Variants in THSD4 observed in about 807,000 individuals in gnomAD.
The protein encoded by THSD4 is thrombospondin type 1 domain containing 4.
THSD4 carries 69 observed loss-of-function variants against 119.0 expected under a neutral mutation model. The ratio of observed to expected loss-of-function variants is 0.58; its 90% CI spans 0.48 to 0.71. The LOEUF (loss-of-function observed/expected upper bound fraction) is 0.71. Ranked by LOEUF, THSD4 falls within the 30% of genes least tolerant of loss-of-function variation. The pLI, the probability that THSD4 is intolerant of heterozygous loss-of-function variation, is 0.00. For missense variants in THSD4, 1,393 were observed against 1,391.1 expected (o/e 1.00, Z -0.02); for synonymous variants, 524 against 540.4 (o/e 0.97, Z 0.42).
rs969681301 is a variant in THSD4 at position 71,747,175 on chromosome 15, C to T, written c.2241+133C>T. Reference sequence around the variant, plus strand: ...GGAACCCGTCCCGTGGGGGTCTGGACGGCTGTTTTTGCAAACCACAGGATG... The same window carrying T: ...GGAACCCGTCCCGTGGGGGTCTGGATGGCTGTTTTTGCAAACCACAGGATG... On this transcript the variant is annotated intron_variant, in intron 13 of 17. Transcript: ENST00000261862. 5.0e-5 allele frequency: 54 copies of T among 1,082,094 alleles called. 1 individual carries two copies. The highest frequency in any genetic ancestry group is 1.4e-4 in the South Asian group (9 of 64,970). The allele number at this position is 1,082,094 out of a possible 1,614,324, so 67.0% of individuals were successfully genotyped here.
chr15:71,762,142 C>T (rs555263686), intron 15 of THSD4, among the ~76,000 whole-genome samples: 15 of 141,452 alleles, frequency 1.1e-4, no homozygotes, highest in South Asian at 2.3e-4. Flanking sequence ...GTCTCATGCG[C>T]GTGTGCAAAC....
chr15:71,112,273 T>C, upstream of THSD4: 7 of 1,542,450 alleles, frequency 4.5e-6, no homozygotes, highest in Non-Finnish European at 6.1e-6. Context: ...TAGGATGTCG[T>C]ATGCATCATT....
intron 3 of THSD4, among the ~76,000 whole-genome samples, chr15:71,173,902 C>T (rs634825): frequency 0.038 from 5,787 of 152,074 alleles, 393 homozygotes; most frequent in African/African-American, 0.13. Flanking sequence ...CAAGACCATT[C>T]GATGGGAAAA....
chr15:71,766,443 G>A (rs887304382), intron 16 of THSD4, among the ~76,000 whole-genome samples: 3 of 152,100 alleles, frequency 2.0e-5, no homozygotes, highest in African/African-American at 2.4e-5. Flanking sequence ...ATCCAAGGGT[G>A]ATAAAAGGGA....
chr15:71,449,312 G>C (rs1397841148), intron 7 of THSD4, among the ~76,000 whole-genome samples: 1 of 152,142 alleles, frequency 6.6e-6, no homozygotes, highest in Non-Finnish European at 1.5e-5. Flanking sequence ...TTGTTCCACT[G>C]AACACATTAT....
chr15:71,593,954 C>T (rs1419565080), intron 7 of THSD4, among the ~76,000 whole-genome samples: 2 of 146,310 alleles, frequency 1.4e-5, no homozygotes, highest in Non-Finnish European at 3.0e-5. Flanking sequence ...AAATTAGTGA[C>T]TGTTTGAAAT....
chr15:71,668,230 A>T (rs2051454043), intron 8 of THSD4, among the ~76,000 whole-genome samples: 1 of 152,216 alleles, frequency 6.6e-6, no homozygotes, highest in Admixed American at 6.5e-5. Flanking sequence ...CTTCAAAATG[A>T]TACTAAAGCG....
At chr15:71,572,563 G>A (rs925261817) in intron 7 of THSD4, among the ~76,000 whole-genome samples, 1 of 152,112 alleles carries the variant, frequency 6.6e-6, no homozygotes, top group Non-Finnish European at 1.5e-5. Context: ...AGAGGGGTGG[G>A]GAGCTCTGGC....
intron 6 of THSD4, among the ~76,000 whole-genome samples, chr15:71,326,703 ATAT>A (rs2045349872): frequency 2.4e-5 from 1 of 41,666 alleles, no homozygotes; most frequent in Admixed American, 2.9e-4. Context: ...AAAAAAAAAT[ATAT>A]ATATATATAT....
intron 6 of THSD4, among the ~76,000 whole-genome samples, chr15:71,350,119 A>T (rs1301477024): frequency 6.6e-6 from 1 of 150,534 alleles, no homozygotes; most frequent in African/African-American, 2.4e-5. Flanking sequence ...GCCTTATAAT[A>T]ATTATATAAA....
In THSD4 at chr15:71,483,026, T is replaced by C. The variant is rs375709927; in HGVS notation, c.1152+71203T>C. On this transcript the variant is annotated intron_variant, in intron 7 of 17. Transcript: ENST00000261862. ...ATGAAGGAGACTAGGAAAGTGAGTA[T>C]TTTTTTAAAGACAAAAAAAATAAGG... 3.9e-5 allele frequency among the ~76,000 whole-genome samples: 6 copies of C among 152,264 alleles called. 1 individual carries two copies. Among genetic ancestry groups the C allele is most frequent in the African/African-American group, 1.4e-4 (6 of 41,548 alleles).
rs1595768147 is a variant in THSD4, at chr15:71,595,715, C to T, written c.1153-64815C>T. Among the ~76,000 whole-genome samples, 2 of 152,116 alleles carry T rather than the reference C, an allele frequency of 1.3e-5. 1 individual carries two copies. Among genetic ancestry groups the T allele is most frequent in the South Asian group, 4.1e-4 (2 of 4,830 alleles). ...AGTCCTGTTAAGTGGAGAACATTCT[C>T]CCTTGAATTATTGAGCAGAAGACTC... On this transcript the variant is annotated intron_variant, in intron 7 of 17. Transcript: ENST00000261862.
At chr15:71,554,416 C>A (rs983221717) in intron 7 of THSD4, among the ~76,000 whole-genome samples, 1 of 151,900 alleles carries the variant, frequency 6.6e-6, no homozygotes, top group East Asian at 1.9e-4. Context: ...GAGACAAGAT[C>A]TCACTCTGTC....
At chr15:71,102,259 T>C (rs1053385174) in intron 1 of THSD4, among the ~76,000 whole-genome samples, 1 of 152,116 alleles carries the variant, frequency 6.6e-6, no homozygotes, top group East Asian at 1.9e-4. Context: ...TCCATGTTCA[T>C]GTCTTTTGTG....
chr15:71,737,686 G>A, intron 10 of THSD4, 46 bp from the exon 11 acceptor site: 1 of 1,547,708 alleles, frequency 6.5e-7, no homozygotes, highest in East Asian at 2.3e-5. Context: ...ACAACTCAGG[G>A]TCTAAACTGA....
intron 7 of THSD4, among the ~76,000 whole-genome samples, chr15:71,626,701 G>A (rs1253297486): frequency 1.3e-5 from 2 of 152,240 alleles, no homozygotes; most frequent in African/African-American, 4.8e-5. Context: ...AAAATCATCT[G>A]ATTATAACGC....
chr15:71,150,610 G>A (rs1567138792), intron 2 of THSD4, among the ~76,000 whole-genome samples: 3 of 152,194 alleles, frequency 2.0e-5, no homozygotes, highest in Admixed American at 1.3e-4. Context: ...AGTAAATGAA[G>A]AGAAGAAGCA....
rs564872742 is a variant in THSD4, at chr15:71,554,256, A to AT, written c.1153-106263dup. The stretch of plus-strand genomic sequence containing the variant: ...AGGTGCCCACCGCCATGCCCGGCTA[A>AT]TTTTTTTTTTTGTATTTTTTTAGTA... On this transcript the variant is annotated intron_variant, in intron 7 of 17. Transcript: ENST00000261862. Among the ~76,000 whole-genome samples the AT allele has an allele frequency of 2.2e-3, 324 of 144,346 alleles. 1 individual carries two copies. Among genetic ancestry groups the AT allele is most frequent in the Middle Eastern group, 3.6e-3 (1 of 280 alleles). The allele number at this position is 144,346 out of a possible 152,430, so 94.7% of individuals were successfully genotyped here. A position where few individuals can be genotyped will look rare whatever the true frequency, so the allele number is the denominator to read the frequency against.
rs1336505802 is a variant in THSD4, at chr15:71,728,721, C to G, written c.1530C>G (p.Val510=). The change falls in exon 9 of 18, where the codon GTC becomes GTG. Residue 510 remains valine (V), a synonymous_variant. Transcript: ENST00000261862. ...GTCCCACCAACGAGATCTTGGATGT[C>G]TACGTGAGTTTGGATGTTTCTGGAC... ...AEGPTNEILD[V]YMIHQQPNPG... 1.9e-6 allele frequency: 3 copies of G among 1,614,016 alleles called. No homozygotes were observed. The South Asian group carries it at 3.3e-5, about 18-fold the overall frequency.
Sources: gnomAD v4.1 joint callset for allele counts (sites outside exome capture counted in the v4.1 genomes callset) on GRCh38, gnomAD v4.1.1 for gene constraint, MANE v1.5 for transcripts, NCBI Gene and HGNC (gene_info 2026-07-23, HGNC 2026-07-21) for gene names.